Variants in TNNI1 observed in about 807,000 individuals in gnomAD.
TNNI1 encodes troponin I, slow skeletal muscle.
Under a neutral mutation model 26.7 loss-of-function variants are expected in TNNI1, and 14 were observed. The observed-to-expected ratio is 0.52, with a 90% CI of 0.35 to 0.82. The LOEUF is 0.82. Ranked by LOEUF, TNNI1 falls within the 40% of genes least tolerant of loss-of-function variation. The probability of loss-of-function intolerance (pLI) is 0.01; values close to 1 mark genes in which losing one functional copy is unlikely to be tolerated. For synonymous variants in TNNI1, 79 were observed against 98.2 expected, an observed-to-expected ratio of 0.80 and a Z score of 1.16; for missense variants, 164 against 257.0, an observed-to-expected ratio of 0.64 and a Z score of 2.47.
At chr1:201,415,322 A>G in intron 3 of TNNI1, 68 bp from the exon 4 acceptor site, 1 of 1,538,882 alleles carries the variant, frequency 6.5e-7, no homozygotes, top group Non-Finnish European at 9.0e-7. Flanking sequence ...CTGGTCTAGG[A>G]CAAGACAAGT....
chr1:201,417,756 G>GA, intron 2 of TNNI1, 27 bp downstream of exon 2: 1 of 1,313,666 alleles, frequency 7.6e-7, no homozygotes, highest in Non-Finnish European at 9.8e-7. Flanking sequence ...CCTTCCTGGG[G>GA]CCCCAGATGG....
At chr1:201,417,076 T>TA in intron 3 of TNNI1, 40 bp downstream of exon 3, 1 of 1,607,888 alleles carries the variant, frequency 6.2e-7, no homozygotes, top group South Asian at 1.1e-5. Flanking sequence ...TACCAGTCGT[T>TA]AGAGTTAACC....
At chr1:201,414,709 T>C in intron 4 of TNNI1, 60 bp from the exon 5 acceptor site, 1 of 1,588,866 alleles carries the variant, frequency 6.3e-7, no homozygotes, top group Non-Finnish European at 8.6e-7. Context: ...CATCAGGGAA[T>C]GAGGGGAGGG....
At position 201,410,350 on chromosome 1, in the gene TNNI1, G is replaced by T; in HGVS notation, c.542C>A (p.Ala181Asp). ...MEGRKKMFDA[A>D]KSPTSQ ...CCTCTATTGTGAGGTCGGAGACTTG[G>T]CGGCATCAAACATCTTCTTCCGGCC... is the stretch of plus-strand genomic sequence containing the variant. The change falls in exon 8 of 9, where the codon GCC becomes GAC. Residue 181 changes from alanine to aspartate, a missense_variant. By Grantham distance (126) the Ala-to-Asp change is moderately radical (BLOSUM62 -2). This residue lies in a region of TNNI1 where 43 missense variants were observed against 74.3 expected (regional missense o/e 0.58). Coordinates refer to ENST00000361379, the MANE Select transcript of TNNI1 (RefSeq NM_003281.4). The T allele has an allele frequency of 1.2e-6, 2 of 1,614,172 alleles. No homozygotes were observed. The highest frequency in any genetic ancestry group is 1.7e-6 in the Non-Finnish European group (2 of 1,180,018).
Position 201,413,063 on chromosome 1 carries a change from A to G in TNNI1, c.248T>C (p.Ile83Thr), listed in dbSNP as rs1662665450. The G allele has an allele frequency of 6.2e-7, 1 of 1,614,106 alleles. No individual in the cohort carries two copies. ...VEVVDEERYD[I>T]EAKCLHNTRE... ...GGTGTTGTGGAGGCATTTGGCCTCA[A>G]TGTCGTATCGCTCCTCATCCACCAC... is the stretch of plus-strand genomic sequence containing the variant. Residue 83 changes from isoleucine to threonine, a missense_variant, in exon 6 of 9, where the codon ATT becomes ACT. This residue lies in a region of TNNI1 where 117 missense variants were observed against 158.7 expected (regional missense o/e 0.74). Coordinates refer to ENST00000361379, the MANE Select transcript of TNNI1 (RefSeq NM_003281.4).
At chr1:201,412,903 A>G in intron 6 of TNNI1, 129 bp downstream of exon 6, 1 of 903,086 alleles carries the variant, frequency 1.1e-6, no homozygotes, top group East Asian at 2.4e-5. Context: ...CAGACAAACC[A>G]AAGTTTCCTG....
intron 5 of TNNI1, 133 bp downstream of exon 5, chr1:201,414,385 T>C (rs995717276): frequency 2.7e-6 from 2 of 730,568 alleles, no homozygotes; most frequent in South Asian, 2.1e-5. Context: ...AATGAGACCA[T>C]GTAAGGGAGG....
At position 201,417,012 on chromosome 1, in the gene TNNI1, G is replaced by A. The variant is rs996220615; in HGVS notation, c.15+104C>T. 6 of 1,387,068 alleles carry A rather than the reference G, an allele frequency of 4.3e-6. No individual in the cohort carries two copies. In the African/African-American group the frequency reaches 8.5e-5, roughly 20 times the overall value. The allele number at this position is 1,387,068 out of a possible 1,614,324, so 85.9% of individuals were successfully genotyped here. The stretch of plus-strand genomic sequence containing the variant: ...CCTACACCCCCTGGACTCCCACCAG[G>A]CCTTAACACAGGCTCTTCCCTCTCC... On this transcript the variant is annotated intron_variant, in intron 3 of 8. Transcript: ENST00000361379.
intron 5 of TNNI1, among the ~76,000 whole-genome samples, chr1:201,413,848 G>T (rs1021693007): frequency 1.3e-5 from 2 of 152,078 alleles, no homozygotes; most frequent in African/African-American, 4.8e-5. Flanking sequence ...TAAAGAAAAG[G>T]TCTCACACTA....
rs1662626831 is a variant in TNNI1, at chr1:201,411,137, T to G, written c.456+220A>C. 6.6e-6 allele frequency among the ~76,000 whole-genome samples: 1 copy of G among 152,230 alleles called. No individual in the cohort carries two copies. Among genetic ancestry groups the G allele is most frequent in the Non-Finnish European group, 1.5e-5 (1 of 68,036 alleles). On this transcript the variant is annotated intron_variant, in intron 7 of 8. Coordinates refer to ENST00000361379, the MANE Select transcript of TNNI1 (RefSeq NM_003281.4). The surrounding 1 kb of genome is among the most constrained non-coding windows in gnomAD (Gnocchi z 4.6). ...CGTCTGGGGTCTAGCTTTCTTTATG[T>G]CCTAGTTTCTTCGTCAGACTGGGAA...
At chr1:201,420,520 C>T (rs1255609491) in intron 1 of TNNI1, among the ~76,000 whole-genome samples, 3 of 152,084 alleles carry the variant, frequency 2.0e-5, no homozygotes, top group East Asian at 1.9e-4. Context: ...AGGGACTATC[C>T]GCTAGACTAT....
intron 3 of TNNI1, 109 bp from the exon 4 acceptor site, chr1:201,415,363 A>C: frequency 8.6e-7 from 1 of 1,162,386 alleles, no homozygotes; most frequent in Non-Finnish European, 1.3e-6. Context: ...TTTATCCGGA[A>C]TCCTCTGCTC....
chr1:201,410,240 A>C, intron 8 of TNNI1, 86 bp downstream of exon 8: 1 of 1,227,870 alleles, frequency 8.1e-7, no homozygotes, highest in Non-Finnish European at 1.2e-6. Context: ...CACCACACTA[A>C]GTACAACCCG....
In TNNI1 at chr1:201,414,542, A is replaced by T. The variant is rs1393405629; in HGVS notation, c.165T>A (p.Arg55=). The T allele has an allele frequency of 1.2e-6, 2 of 1,609,136 alleles. No individual in the cohort carries two copies. Among genetic ancestry groups the T allele is most frequent in the African/African-American group, 1.3e-5 (1 of 74,844 alleles). Residue 55 remains arginine (R), a synonymous_variant, in exon 5 of 9, where the codon CGT becomes CGA. Coordinates refer to ENST00000361379, the MANE Select transcript of TNNI1 (RefSeq NM_003281.4). ...LAERIPTLQT[R]GLSLSALQDL... ...CCTGCAGGGCACTGAGGGACAGGCC[A>T]CGGGTCTGCAGCGTGGGGATGCGCT... is the stretch of plus-strand genomic sequence containing the variant.
Position 201,411,259 on chromosome 1 carries a change from A to G in TNNI1, c.456+98T>C. 1.5e-6 allele frequency: 2 copies of G among 1,340,838 alleles called. No individual in the cohort carries two copies. The highest frequency in any genetic ancestry group is 2.1e-4 in the Middle Eastern group (1 of 4,832). 83.1% of individuals were successfully genotyped at this position (1,340,838 alleles called of 1,614,324 possible). Reference sequence around the variant, plus strand: ...CTGTCTGTCAAGCTGACTGGTCTCCAACAGGAGCTCCTGGGCCAGCCTGAG... The same window carrying G: ...CTGTCTGTCAAGCTGACTGGTCTCCGACAGGAGCTCCTGGGCCAGCCTGAG... On this transcript the variant is annotated intron_variant, in intron 7 of 8. Coordinates refer to ENST00000361379, the MANE Select transcript of TNNI1 (RefSeq NM_003281.4). This position sits in a 1 kb window ranked among gnomAD's most constrained non-coding sequence, Gnocchi z 4.6.
intron 3 of TNNI1, 117 bp downstream of exon 3, chr1:201,416,999 G>C: frequency 8.2e-7 from 1 of 1,226,136 alleles, no homozygotes; most frequent in Non-Finnish European, 1.2e-6. Flanking sequence ...TACACCCCCT[G>C]GACTCCCACC....
intron 3 of TNNI1, among the ~76,000 whole-genome samples, chr1:201,415,491 G>C (rs1253223963): frequency 4.6e-5 from 7 of 152,208 alleles, no homozygotes; most frequent in Admixed American, 4.6e-4. Flanking sequence ...TGATTCTGCT[G>C]CTGCTGAAAT....
In TNNI1 at chr1:201,405,133, G is replaced by A. The variant is rs1261906934; in HGVS notation, c.*4120C>T. On this transcript the variant is annotated 3_prime_UTR_variant, in exon 9 of 9. Transcript: ENST00000361379. ...CCTCTGGCCAGGAGACCAAAGCCCT[G>A]TCCACATCCAATTTCCTCAGACTGG... The A allele has an allele frequency of 6.6e-6, 1 of 152,316 alleles. No homozygotes were observed. The highest frequency in any genetic ancestry group is 2.4e-5 in the African/African-American group (1 of 41,470). The allele number at this position is 152,316 out of a possible 1,614,324, so 9.4% of individuals were successfully genotyped here.
At position 201,414,660 on chromosome 1, in the gene TNNI1, C is replaced by G. The variant is rs749815553; in HGVS notation, c.58-11G>C. The G allele has an allele frequency of 1.1e-5, 18 of 1,611,188 alleles. No individual in the cohort carries two copies. Among genetic ancestry groups the G allele is most frequent in the Non-Finnish European group, 1.5e-5 (18 of 1,178,670 alleles). ...GGCCAGCATCAGGCTCTGGACAGGA[C>G]ACACCTGCTGAGCTGGGGGCCTCAC... On this transcript the variant is annotated splice_polypyrimidine_tract_variant and intron_variant, in intron 4 of 8. Transcript: ENST00000361379.
Sources: allele counts gnomAD v4.1 joint callset (sites outside exome capture counted in the v4.1 genomes callset), GRCh38; gene constraint gnomAD v4.1.1; regional missense constraint gnomAD v4.1.1; non-coding constraint Gnocchi (gnomAD v3.1); transcripts MANE v1.5; gene names NCBI Gene and HGNC (gene_info 2026-07-23, HGNC 2026-07-21).